ADAMTS18: variants seen among roughly 807,000 people sequenced by gnomAD.
The protein encoded by ADAMTS18 is ADAM metallopeptidase with thrombospondin type 1 motif 18.
Under a neutral mutation model 165.9 loss-of-function variants are expected in ADAMTS18, and 157 were observed. The observed-to-expected ratio is 0.95, with a 90% CI of 0.83 to 1.08. The LOEUF (loss-of-function observed/expected upper bound fraction) is 1.08, where lower values mean the gene tolerates loss of function less well. ADAMTS18 is among the 50% of genes least tolerant of loss of function. The pLI is 0.00. For synonymous variants in ADAMTS18, 782 were observed against 578.2 expected (o/e 1.35, Z -5.06); for missense variants, 2,040 against 1,534.0 (o/e 1.33, Z -5.51).
At chr16:77,357,793 T>G (rs1597165316) in intron 8 of ADAMTS18, among the ~76,000 whole-genome samples, 1 of 152,334 alleles carries the variant, frequency 6.6e-6, no homozygotes, top group East Asian at 1.9e-4. Context: ...GTTTCAGAAC[T>G]TCTTAAGTCC....
rs536492737 is a variant in ADAMTS18, at chr16:77,393,814, T to C, written c.496-26091A>G. Among the ~76,000 whole-genome samples, 12 of 152,352 alleles carry C rather than the reference T, an allele frequency of 7.9e-5. No individual in the cohort carries two copies. In the South Asian group the frequency reaches 2.5e-3, roughly 32 times the overall value. On this transcript the variant is annotated intron_variant, in intron 3 of 22. Transcript: ENST00000282849. ...AAAACACTTCTGTGGGCTGGGCCCA[T>C]TATGGTCCAAAGGCCTCTACTGTCG... is the stretch of plus-strand genomic sequence containing the variant.
intron 3 of ADAMTS18, among the ~76,000 whole-genome samples, chr16:77,402,373 G>T (rs565072392): frequency 5.9e-5 from 9 of 152,252 alleles, no homozygotes; most frequent in Admixed American, 1.3e-4. Flanking sequence ...AGGCCTAGGG[G>T]CCAGCAATGT....
chr16:77,377,948 C>T (rs2056975927), intron 3 of ADAMTS18, among the ~76,000 whole-genome samples: 1 of 152,002 alleles, frequency 6.6e-6, no homozygotes, highest in African/African-American at 2.4e-5. Flanking sequence ...GGGAAAGAAA[C>T]ATCAGAAAAA....
At chr16:77,428,060 T>A (rs1244633200) in intron 3 of ADAMTS18, among the ~76,000 whole-genome samples, 1 of 152,214 alleles carries the variant, frequency 6.6e-6, no homozygotes, top group African/African-American at 2.4e-5. Flanking sequence ...TTTCCTAATA[T>A]ACACTGCATG....
At chr16:77,361,275 G>C (rs1436534205) in intron 7 of ADAMTS18, among the ~76,000 whole-genome samples, 1 of 152,056 alleles carries the variant, frequency 6.6e-6, no homozygotes, top group East Asian at 1.9e-4. Flanking sequence ...TCCTGATTTA[G>C]ACAGCCATCC....
chr16:77,405,705 T>C (rs1297952026), intron 3 of ADAMTS18, among the ~76,000 whole-genome samples: 1 of 152,002 alleles, frequency 6.6e-6, no homozygotes, highest in Non-Finnish European at 1.5e-5. Context: ...ATATCGAAGC[T>C]CTGGCCACTA....
intron 3 of ADAMTS18, among the ~76,000 whole-genome samples, chr16:77,406,309 G>C (rs1202385387): frequency 6.6e-6 from 1 of 152,036 alleles, no homozygotes; most frequent in East Asian, 1.9e-4. Context: ...AATTATTAGA[G>C]AATTACAAAT....
Position 77,400,423 on chromosome 16 carries a change from A to ATT in ADAMTS18, c.495+30870_495+30871dup, listed in dbSNP as rs1340820843. ...CAGTGAACATCCTATTTCAGGGGGA[A>ATT]TTGTGTGTGTGTGTGTGTGTGTGTG... is the stretch of plus-strand genomic sequence containing the variant. On this transcript the variant is annotated intron_variant, in intron 3 of 22. Transcript: ENST00000282849. 1.3e-3 allele frequency among the ~76,000 whole-genome samples: 130 copies of ATT among 103,298 alleles called. 1 individual carries two copies. Among genetic ancestry groups the ATT allele is most frequent in the African/African-American group, 4.7e-3 (129 of 27,470 alleles). 67.8% of individuals were successfully genotyped at this position (103,298 alleles called of 152,430 possible).
intron 3 of ADAMTS18, among the ~76,000 whole-genome samples, chr16:77,371,683 G>C (rs1014673725): frequency 3.3e-5 from 5 of 152,102 alleles, no homozygotes; most frequent in Admixed American, 1.3e-4. Flanking sequence ...AGAAAACATA[G>C]GGAAAATACT....
intron 12 of ADAMTS18, among the ~76,000 whole-genome samples, chr16:77,327,162 C>G (rs2056109294): frequency 6.6e-6 from 1 of 152,142 alleles, no homozygotes; most frequent in Non-Finnish European, 1.5e-5. Flanking sequence ...GAACATATAC[C>G]TGCATGTGTC....
At chr16:77,322,831 T>C (rs545267384) in intron 13 of ADAMTS18, among the ~76,000 whole-genome samples, 2 of 152,316 alleles carry the variant, frequency 1.3e-5, no homozygotes, top group African/African-American at 4.8e-5. Context: ...GGCTGTGTTC[T>C]AATAAAATCT....
intron 3 of ADAMTS18, among the ~76,000 whole-genome samples, chr16:77,430,317 C>A (rs968689306): frequency 1.3e-5 from 2 of 152,144 alleles, no homozygotes; most frequent in African/African-American, 4.8e-5. Context: ...AAGGTTTTAG[C>A]TAAATTTCAG....
In ADAMTS18 at chr16:77,367,437, A is replaced by G. The variant is rs1198140313; in HGVS notation, c.778+4T>C. The G allele has an allele frequency of 2.5e-6, 4 of 1,614,056 alleles. No individual in the cohort carries two copies. Among genetic ancestry groups the G allele is most frequent in the African/African-American group, 2.7e-5 (2 of 74,922 alleles). On this transcript the variant is annotated splice_donor_region_variant and intron_variant, in intron 4 of 22. Transcript: ENST00000282849. ...ACAGAAAAAGAAAAAGTTTCCTTACATACATTTCTTGCGTCGTCCACAAAA... is the reference window on the plus strand; with the variant it reads ...ACAGAAAAAGAAAAAGTTTCCTTACGTACATTTCTTGCGTCGTCCACAAAA...
chr16:77,399,682 C>T (rs1044508781), intron 3 of ADAMTS18, among the ~76,000 whole-genome samples: 3 of 152,018 alleles, frequency 2.0e-5, no homozygotes, highest in South Asian at 2.1e-4. Context: ...AATATGCTGC[C>T]GAGCACAAAG....
intron 3 of ADAMTS18, among the ~76,000 whole-genome samples, chr16:77,418,739 G>C (rs1002024450): frequency 6.6e-6 from 1 of 152,242 alleles, no homozygotes; most frequent in Non-Finnish European, 1.5e-5. Flanking sequence ...AGATGGCCAT[G>C]AATCTGAAAA....
In ADAMTS18 at chr16:77,364,141, A is replaced by T. The variant is rs755755707; in HGVS notation, c.972+47T>A. 4.3e-6 allele frequency: 7 copies of T among 1,610,740 alleles called. No homozygotes were observed. The Admixed American group carries it at 1.0e-4, about 23-fold the overall frequency. On this transcript the variant is annotated intron_variant, in intron 5 of 22. Coordinates refer to ENST00000282849, the MANE Select transcript of ADAMTS18 (RefSeq NM_199355.4). ...AACCCATGCAAGAGAATTCCATGAC[A>T]TTTATTTTCTTTGGAGAGCCAGAAG...
intron 10 of ADAMTS18, among the ~76,000 whole-genome samples, chr16:77,342,688 CA>C (rs745576055): frequency 2.0e-5 from 3 of 152,192 alleles, no homozygotes; most frequent in Non-Finnish European, 4.4e-5. Context: ...GACTGTGGTA[CA>C]CAGAATAATG....
chr16:77,285,282 C>G lies in ADAMTS18; in HGVS notation c.3551-1211G>C, dbSNP rs2055226390. Among the ~76,000 whole-genome samples, 5 of 152,188 alleles carry G rather than the reference C, an allele frequency of 3.3e-5. 1 individual carries two copies. In the South Asian group the frequency reaches 1.0e-3, roughly 32 times the overall value. On this transcript the variant is annotated intron_variant, in intron 22 of 22. Coordinates refer to ENST00000282849, the MANE Select transcript of ADAMTS18 (RefSeq NM_199355.4). ...CCGCCTCATGTATTCAAATGGTTCTCCTGCGTAAGCCTCCTGGGTAGCTGG... is the reference window on the plus strand; with the variant it reads ...CCGCCTCATGTATTCAAATGGTTCTGCTGCGTAAGCCTCCTGGGTAGCTGG...
chr16:77,294,093 T>A lies in ADAMTS18; in HGVS notation c.3006+830A>T, dbSNP rs568901028. ...GAAAACACAGAAGAACTGTCATCAG[T>A]GGCTGCTACCTGGCCCCATGGTTCA... On this transcript the variant is annotated intron_variant, in intron 19 of 22. Transcript: ENST00000282849. Among the ~76,000 whole-genome samples the A allele has an allele frequency of 3.2e-4, 49 of 152,292 alleles. 1 individual carries two copies. Among genetic ancestry groups the A allele is most frequent in the Admixed American group, 2.9e-3 (45 of 15,298 alleles).
Sources: allele counts gnomAD v4.1 joint callset (sites outside exome capture counted in the v4.1 genomes callset), GRCh38; gene constraint gnomAD v4.1.1; transcripts MANE v1.5; gene names NCBI Gene and HGNC (gene_info 2026-07-23, HGNC 2026-07-21).